The following CUX1 variants were observed in gnomAD, a reference collection of about 807,000 sequenced individuals.
The protein encoded by CUX1 is cut like homeobox 1, also known as protein CASP.
Under a neutral mutation model 158.8 loss-of-function variants are expected in CUX1, and 31 were observed. The ratio of observed to expected loss-of-function variants is 0.20; its 90% confidence interval spans 0.15 to 0.26. The LOEUF is 0.26. CUX1 is among the 10% of genes least tolerant of loss of function. CUX1 has a pLI of 1.00. For missense variants in CUX1, 1,589 were observed against 2,014.6 expected (o/e 0.79, Z 4.04); for synonymous variants, 879 against 862.1 (o/e 1.02, Z -0.34).
Position 102,254,224 on chromosome 7 carries a change from C to T in CUX1, c.*5182C>T, listed in dbSNP as rs1214458924. The T allele has an allele frequency of 1.1e-5, 11 of 985,350 alleles. No homozygotes were observed. Among genetic ancestry groups the T allele is most frequent in the Admixed American group, 6.1e-5 (1 of 16,272 alleles). The allele number at this position is 985,350 out of a possible 1,614,324, so 61.0% of individuals were successfully genotyped here. A position where few individuals can be genotyped will look rare whatever the true frequency, so the allele number is the denominator to read the frequency against. On this transcript the variant is annotated 3_prime_UTR_variant, in exon 24 of 24. Coordinates refer to ENST00000292535, the MANE Select transcript of CUX1 (RefSeq NM_181552.4). ...GGCTCCGAGGGTCTTGTCTTTGGTC[C>T]GCCTTCCTTTCTGTCCAGTCCTGCT...
intron 1 of CUX1, among the ~76,000 whole-genome samples, chr7:101,833,903 G>A (rs1294886661): frequency 1.3e-5 from 2 of 152,132 alleles, no homozygotes; most frequent in African/African-American, 4.8e-5. Flanking sequence ...CCTTCTAACG[G>A]GGGGTGCAGA....
intron 1 of CUX1, among the ~76,000 whole-genome samples, chr7:101,828,038 G>C (rs185241365): frequency 4.8e-4 from 72 of 150,356 alleles, no homozygotes; most frequent in African/African-American, 1.8e-3. Flanking sequence ...GTGCGGTGGC[G>C]GATCTCGACT....
At chr7:101,898,683 C>T (rs906486147) in intron 1 of CUX1, among the ~76,000 whole-genome samples, 2 of 151,454 alleles carry the variant, frequency 1.3e-5, no homozygotes, top group African/African-American at 2.4e-5. Context: ...CTCCGCCTCC[C>T]GGGTTCAAGT....
chr7:102,193,058 C>T (rs2131935320), intron 12 of CUX1, among the ~76,000 whole-genome samples: 1 of 152,338 alleles, frequency 6.6e-6, no homozygotes, highest in African/African-American at 2.4e-5. Flanking sequence ...CCTTCCCCAA[C>T]CTGGGGCTGC....
chr7:101,967,681 G>T (rs1811404583), intron 2 of CUX1, among the ~76,000 whole-genome samples: 3 of 152,132 alleles, frequency 2.0e-5, no homozygotes, highest in Non-Finnish European at 4.4e-5. Context: ...CTATAGGAAG[G>T]GATGTTGTGT....
rs545853813 is a variant in CUX1 at position 102,006,816 on chromosome 7, C to T, written c.142-21282C>T. On this transcript the variant is annotated intron_variant, in intron 2 of 23. Coordinates refer to ENST00000292535, the MANE Select transcript of CUX1 (RefSeq NM_181552.4). ...GAATAAAACCACTGGATGCATCAGGCGTCACTGCCAAGGGTGCAAGGGGCT... is the reference window on the plus strand; with the variant it reads ...GAATAAAACCACTGGATGCATCAGGTGTCACTGCCAAGGGTGCAAGGGGCT... Among the ~76,000 whole-genome samples the T allele has an allele frequency of 1.2e-4, 18 of 152,368 alleles. 1 individual carries two copies. In the South Asian group the frequency reaches 1.9e-3, roughly 16 times the overall value.
At chr7:102,207,105 G>C (rs1290343470) in intron 20 of CUX1, among the ~76,000 whole-genome samples, 1 of 152,096 alleles carries the variant, frequency 6.6e-6, no homozygotes, top group Non-Finnish European at 1.5e-5. Context: ...AACACACTAG[G>C]CTCCTAAGAG....
At chr7:102,204,685 C>T (rs1193923610) in intron 19 of CUX1, 129 bp downstream of exon 19, 5 of 1,209,606 alleles carry the variant, frequency 4.1e-6, no homozygotes, top group Admixed American at 2.6e-5. Context: ...ACCACACTCC[C>T]CACCGTGGGC....
chr7:101,986,895 C>T (rs1447344484), intron 2 of CUX1, among the ~76,000 whole-genome samples: 1 of 152,158 alleles, frequency 6.6e-6, no homozygotes, highest in Non-Finnish European at 1.5e-5. Context: ...TCAGTGGCTC[C>T]CTGTGGCCTG....
chr7:102,281,495 T>G (rs1792057505), intron 20 of CUX1, among the ~76,000 whole-genome samples: 1 of 151,690 alleles, frequency 6.6e-6, no homozygotes, highest in South Asian at 2.1e-4. Flanking sequence ...AAACCCTATC[T>G]CTAGTAAAAA....
intron 3 of CUX1, among the ~76,000 whole-genome samples, chr7:102,069,471 A>G (rs1825897805): frequency 1.3e-5 from 2 of 152,224 alleles, no homozygotes; most frequent in Non-Finnish European, 2.9e-5. Context: ...CACATAGGCC[A>G]GACGCAGTGG....
rs782726029 is a variant in CUX1 at position 102,201,395 on chromosome 7, G to A, written c.2098G>A (p.Gly700Arg). ...CCAGCCTTCCTCCGCATCCGGCAGC[G>A]GGAACTCTGATGACGCCATCCGCTC... is the stretch of plus-strand genomic sequence containing the variant. ...PAQPSSASGS[G>R]NSDDAIRSIL... Residue 700 changes from glycine (G) to arginine (R), a missense_variant, in exon 18 of 24, where the codon GGG (glycine) becomes AGG (arginine). Transcript: ENST00000292535. The surrounding 1 kb of genome is among the most constrained non-coding windows in gnomAD (Gnocchi z 5.0). The A allele has an allele frequency of 1.3e-5, 21 of 1,613,756 alleles. No individual in the cohort carries two copies. Among genetic ancestry groups the A allele is most frequent in the Admixed American group, 3.3e-5 (2 of 59,992 alleles).
At chr7:102,063,405 T>TTTTC (rs1563194074) in intron 3 of CUX1, among the ~76,000 whole-genome samples, 20 of 145,434 alleles carry the variant, frequency 1.4e-4, no homozygotes, top group African/African-American at 4.5e-4. Context: ...TTTTTTTTTT[T>TTTTC]TGAGACGGAG....
At chr7:101,890,906 T>C (rs1045163638) in intron 1 of CUX1, among the ~76,000 whole-genome samples, 1 of 152,140 alleles carries the variant, frequency 6.6e-6, no homozygotes, top group South Asian at 2.1e-4. Flanking sequence ...TAGGCTGTTG[T>C]TTGGTGCTTA....
chr7:102,081,330 C>G (rs935407461), intron 4 of CUX1, among the ~76,000 whole-genome samples: 5 of 117,682 alleles, frequency 4.2e-5, no homozygotes, highest in Middle Eastern at 4.3e-3. Context: ...TATGGTTTGG[C>G]TCTGTGTCCC....
intron 20 of CUX1, among the ~76,000 whole-genome samples, chr7:102,219,820 AAAG>A (rs1369256517): frequency 6.6e-6 from 1 of 152,216 alleles, no homozygotes; most frequent in Admixed American, 6.5e-5. Context: ...GTCTTACTCA[AAAG>A]AAGAATACTG....
At chr7:102,088,589 G>A (rs528733783) in intron 4 of CUX1, among the ~76,000 whole-genome samples, 1 of 152,130 alleles carries the variant, frequency 6.6e-6, no homozygotes, top group East Asian at 1.9e-4. Context: ...AGCTGAGATC[G>A]TGCCGCTGCA....
intron 1 of CUX1, among the ~76,000 whole-genome samples, chr7:101,819,623 CT>C (rs1163927164): frequency 2.0e-5 from 3 of 152,082 alleles, no homozygotes; most frequent in South Asian, 4.2e-4. Context: ...ATCTAGTACC[CT>C]TTATAAAAGA....
At chr7:101,816,738 G>A (rs1441663255), upstream of CUX1, among the ~76,000 whole-genome samples, 1 of 144,698 alleles carries the variant, frequency 6.9e-6, no homozygotes, top group African/African-American at 2.5e-5. Flanking sequence ...CCGGCTCGGG[G>A]GAGGGTCAGA....
Sources: gnomAD v4.1 joint callset for allele counts (sites outside exome capture counted in the v4.1 genomes callset) on GRCh38, gnomAD v4.1.1 for gene constraint, Gnocchi (gnomAD v3.1) non-coding constraint, MANE v1.5 for transcripts, NCBI Gene and HGNC (gene_info 2026-07-23, HGNC 2026-07-21) for gene names.